EPB41: variants seen among roughly 807,000 people sequenced by gnomAD.
EPB41 encodes the protein erythrocyte membrane protein band 4.1.
EPB41 carries 65 observed loss-of-function variants against 108.0 expected under a neutral mutation model. The ratio of observed to expected loss-of-function variants is 0.60; its 90% CI spans 0.49 to 0.74. EPB41 has a LOEUF of 0.74. Ranked by LOEUF, EPB41 falls within the 30% of genes least tolerant of loss-of-function variation. The probability of loss-of-function intolerance (pLI) is 0.00; values close to 1 mark genes in which losing one functional copy is unlikely to be tolerated. For synonymous variants in EPB41, 336 were observed against 358.9 expected (o/e 0.94, Z 0.72); for missense variants, 875 against 1,037.0 (o/e 0.84, Z 2.15).
intron 17 of EPB41, among the ~76,000 whole-genome samples, chr1:29,099,075 G>A (rs1356860229): frequency 7.4e-5 from 11 of 149,570 alleles, no homozygotes; most frequent in Admixed American, 7.3e-4. Context: ...TTGGGAGGCC[G>A]AGGCGGGCAG....
intron 17 of EPB41, among the ~76,000 whole-genome samples, chr1:29,105,775 G>A (rs1259649565): frequency 8.5e-6 from 1 of 117,830 alleles, no homozygotes; most frequent in Non-Finnish European, 1.7e-5. Flanking sequence ...TTGAGACAGA[G>A]TATGGCTCTG....
At chr1:28,891,870 C>T (rs1180089766) in intron 1 of EPB41, among the ~76,000 whole-genome samples, 2 of 152,024 alleles carry the variant, frequency 1.3e-5, no homozygotes, top group Non-Finnish European at 2.9e-5. Context: ...GGGCGGGTCA[C>T]CTGAGATCAG....
At chr1:28,993,089 G>A (rs772861463) in intron 2 of EPB41, among the ~76,000 whole-genome samples, 3 of 152,050 alleles carry the variant, frequency 2.0e-5, no homozygotes, top group African/African-American at 4.8e-5. Context: ...GGTATCCTCC[G>A]GTTTACCTGA....
intron 7 of EPB41, among the ~76,000 whole-genome samples, chr1:29,026,266 C>G (rs1449581200): frequency 1.3e-5 from 2 of 152,092 alleles, no homozygotes; most frequent in African/African-American, 4.8e-5. Flanking sequence ...TTCTCACTGT[C>G]AGTAAAGTGA....
At chr1:28,902,756 G>A (rs1217791342) in intron 1 of EPB41, among the ~76,000 whole-genome samples, 1 of 152,122 alleles carries the variant, frequency 6.6e-6, no homozygotes, top group Non-Finnish European at 1.5e-5. Flanking sequence ...ATAAGTGGAG[G>A]AAATTATCCT....
intron 16 of EPB41, chr1:29,097,248 C>T (rs1663524938): frequency 6.3e-6 from 1 of 158,550 alleles, no homozygotes; most frequent in African/African-American, 2.4e-5. Flanking sequence ...GGATTAATCA[C>T]CAGGTGGTGG....
intron 16 of EPB41, among the ~76,000 whole-genome samples, chr1:29,078,874 GTTTGT>G (rs1416174535): frequency 1.3e-5 from 2 of 152,024 alleles, no homozygotes; most frequent in Non-Finnish European, 2.9e-5. Context: ...CCTTCATTTG[GTTTGT>G]TTTAAGGATC....
chr1:28,963,199 A>T (rs909119675), intron 1 of EPB41, among the ~76,000 whole-genome samples: 2 of 152,220 alleles, frequency 1.3e-5, no homozygotes, highest in African/African-American at 2.4e-5. Flanking sequence ...AAACAAACAA[A>T]TGAAAATAAT....
At chr1:29,086,117 A>G (rs1230304532) in intron 16 of EPB41, among the ~76,000 whole-genome samples, 1 of 152,116 alleles carries the variant, frequency 6.6e-6, no homozygotes, top group African/African-American at 2.4e-5. Context: ...GAAACCAGAT[A>G]CAAGTGCTTG....
chr1:29,003,701 G>A (rs2096346953), intron 4 of EPB41, among the ~76,000 whole-genome samples: 1 of 152,180 alleles, frequency 6.6e-6, no homozygotes, highest in Non-Finnish European at 1.5e-5. Context: ...CATATGGAGT[G>A]GCTTGCTTGT....
chr1:28,905,850 C>CTCTG (rs2091781063), intron 1 of EPB41, among the ~76,000 whole-genome samples: 1 of 141,132 alleles, frequency 7.1e-6, no homozygotes, highest in East Asian at 2.1e-4. Flanking sequence ...CGGAGTCTTG[C>CTCTG]TCTGTTGCCC....
chr1:28,887,242 G>T lies in EPB41; in HGVS notation c.-8+32G>T, dbSNP rs995419322. 1 of 1,278,906 alleles carries T rather than the reference G, an allele frequency of 7.8e-7. No individual in the cohort carries two copies. The highest frequency in any genetic ancestry group is 5.6e-5 in the East Asian group (1 of 17,840). The allele number at this position is 1,278,906 out of a possible 1,614,324, so 79.2% of individuals were successfully genotyped here. Reference sequence around the variant, plus strand: ...CTGGACCACCTGGGGGGCGACCCTCGGTCCCCGGGAGGGACGGGGTTAGGG... The same window carrying T: ...CTGGACCACCTGGGGGGCGACCCTCTGTCCCCGGGAGGGACGGGGTTAGGG... On this transcript the variant is annotated intron_variant, in intron 1 of 16. Coordinates refer to the EPB41 transcript ENST00000347529. This position sits in a 1 kb window ranked among gnomAD's most constrained non-coding sequence, Gnocchi z 4.9.
At chr1:28,950,307 C>T (rs187502441) in intron 1 of EPB41, among the ~76,000 whole-genome samples, 6 of 152,314 alleles carry the variant, frequency 3.9e-5, no homozygotes, top group Non-Finnish European at 7.3e-5. Context: ...ATCCAAGAAG[C>T]CACATAGATA....
At chr1:28,973,689 C>T (rs1430290382) in intron 1 of EPB41, among the ~76,000 whole-genome samples, 1 of 152,098 alleles carries the variant, frequency 6.6e-6, no homozygotes, top group East Asian at 1.9e-4. Flanking sequence ...GCCACTGTGC[C>T]CAACCCCATT....
At chr1:28,990,505 C>T (rs954028373) in intron 2 of EPB41, among the ~76,000 whole-genome samples, 23 of 151,960 alleles carry the variant, frequency 1.5e-4, no homozygotes, top group Admixed American at 3.3e-4. Context: ...ACTACAGCCT[C>T]AACCTCCCGG....
intron 1 of EPB41, among the ~76,000 whole-genome samples, chr1:28,899,787 A>C (rs2091086286): frequency 6.6e-6 from 1 of 152,190 alleles, no homozygotes; most frequent in South Asian, 2.1e-4. Context: ...TGATTTAAAA[A>C]AGGAAGGGGA....
At chr1:29,108,148 CT>C (rs544874657) in intron 17 of EPB41, among the ~76,000 whole-genome samples, 464 of 129,110 alleles carry the variant, frequency 3.6e-3, no homozygotes, top group African/African-American at 6.5e-3. Context: ...CCTCTTATTT[CT>C]TTTTTTTTTT....
chr1:29,032,949 A>G (rs2096808711), intron 8 of EPB41, 144 bp from the exon 9 acceptor site: 1 of 832,020 alleles, frequency 1.2e-6, no homozygotes, highest in South Asian at 1.6e-5. Context: ...TAGGTCCATA[A>G]ATTATAACTG....
At chr1:29,026,796 G>A (rs1330016019) in intron 7 of EPB41, among the ~76,000 whole-genome samples, 6 of 151,974 alleles carry the variant, frequency 3.9e-5, no homozygotes, top group Admixed American at 3.9e-4. Flanking sequence ...GACAGAGCAA[G>A]ACCTTGTCTC....
Sources: gnomAD v4.1 joint callset for allele counts (sites outside exome capture counted in the v4.1 genomes callset) on GRCh38, gnomAD v4.1.1 for gene constraint, Gnocchi (gnomAD v3.1) non-coding constraint, MANE v1.5 for transcripts, NCBI Gene and HGNC (gene_info 2026-07-23, HGNC 2026-07-21) for gene names.